Variants in AMACR observed in about 807,000 individuals in gnomAD.
The protein encoded by AMACR is 2-methylacyl-CoA racemase.
Under a neutral mutation model 22.2 loss-of-function variants are expected in AMACR, and 18 were observed. The ratio of observed to expected loss-of-function variants is 0.81; its 90% CI spans 0.56 to 1.20. AMACR has a LOEUF of 1.20. Among genes scored for constraint, AMACR ranks in the 50% most tolerant of loss-of-function variants. The probability of loss-of-function intolerance (pLI) is 0.00; values close to 1 mark genes in which losing one functional copy is unlikely to be tolerated. For missense variants in AMACR, 499 were observed against 490.6 expected, an observed-to-expected ratio of 1.02 and a Z score of -0.16; for synonymous variants, 213 against 191.3, an observed-to-expected ratio of 1.11 and a Z score of -0.94.
chr5:34,001,606 T>G (rs952447719), intron 3 of AMACR, among the ~76,000 whole-genome samples: 1 of 152,216 alleles, frequency 6.6e-6, no homozygotes, highest in African/African-American at 2.4e-5. Context: ...TACAGTTAAT[T>G]TAACAACGCT....
At position 33,988,876 on chromosome 5, in the gene AMACR, A is replaced by G. The variant is rs1753380716; in HGVS notation, c.*217T>C. The G allele has an allele frequency of 7.2e-7, 1 of 1,391,214 alleles. No individual in the cohort carries two copies. The highest frequency in any genetic ancestry group is 9.3e-7 in the Non-Finnish European group (1 of 1,077,120). The allele number at this position is 1,391,214 out of a possible 1,614,324, so 86.2% of individuals were successfully genotyped here. On this transcript the variant is annotated 3_prime_UTR_variant, in exon 5 of 5. Coordinates refer to ENST00000335606, the MANE Select transcript of AMACR (RefSeq NM_014324.6). ...GAAGGCAGAATAACTACCATAATTTAGTATAAGTACCCAAAGTTTTATAAA... is the reference window on the plus strand; with the variant it reads ...GAAGGCAGAATAACTACCATAATTTGGTATAAGTACCCAAAGTTTTATAAA...
At chr5:33,998,564 C>A in intron 4 of AMACR, 77 bp downstream of exon 4, 1 of 1,462,872 alleles carries the variant, frequency 6.8e-7, no homozygotes, top group Non-Finnish European at 9.2e-7. Flanking sequence ...ATCCTAGATG[C>A]CAAAAGTCTT....
In AMACR at chr5:33,989,122, C is replaced by G. The variant is rs779669491; in HGVS notation, c.1120G>C (p.Glu374Gln). ...IYQLNSDKII[E>Q]SNKVKASL ...AGACTAGCTTTTACCTTATTACTTT[C>G]AATGATTTTATCTGAGTTAAGCTGA... The change falls in exon 5 of 5, where the codon GAA becomes CAA. Residue 374 changes from glutamate (E) to glutamine (Q), a missense_variant. Glu to Gln is a conservative substitution (Grantham distance 29). Transcript: ENST00000335606. The G allele has an allele frequency of 6.2e-7, 1 of 1,614,180 alleles. No individual in the cohort carries two copies. The highest frequency in any genetic ancestry group is 8.5e-7 in the Non-Finnish European group (1 of 1,180,028).
chr5:33,992,125 C>T (rs552088852), intron 4 of AMACR, among the ~76,000 whole-genome samples: 13 of 152,052 alleles, frequency 8.5e-5, no homozygotes, highest in African/African-American at 2.4e-4. Context: ...GTGATCCGCC[C>T]GCCTCGGCCT....
rs749475971 is a variant in AMACR at position 33,998,704 on chromosome 5, C to T, written c.676G>A (p.Ala226Thr). ...GAPFYTTYRT[A>T]DGEFMAVGAI... is the part of the protein sequence containing the mutation. Reference sequence around the variant, plus strand: ...CCAACAGCCATGAATTCCCCATCTGCTGTCCTGTAAGTCGTATAGAAAGGT... The same window carrying T: ...CCAACAGCCATGAATTCCCCATCTGTTGTCCTGTAAGTCGTATAGAAAGGT... Residue 226 changes from alanine (A) to threonine (T), a missense_variant, in exon 4 of 5, where the codon GCA becomes ACA. Transcript: ENST00000335606. 1 of 1,613,996 alleles carries T rather than the reference C, an allele frequency of 6.2e-7. No individual in the cohort carries two copies. The highest frequency in any genetic ancestry group is 1.1e-5 in the South Asian group (1 of 91,054).
At chr5:33,998,559 A>C in intron 4 of AMACR, 82 bp downstream of exon 4, 1 of 1,426,770 alleles carries the variant, frequency 7.0e-7, no homozygotes, top group Non-Finnish European at 9.5e-7. Flanking sequence ...AAGACATCCT[A>C]GATGCCAAAA....
At position 34,000,956 on chromosome 5, in the gene AMACR, A is replaced by C. The variant is rs547492308; in HGVS notation, c.553-2129T>G. Reference sequence around the variant, plus strand: ...ACTGCTGAAAAATAGACGTGTTAACAGAGTTACAGATCCAGTTGGGTCCAC... The same window carrying C: ...ACTGCTGAAAAATAGACGTGTTAACCGAGTTACAGATCCAGTTGGGTCCAC... On this transcript the variant is annotated intron_variant, in intron 3 of 4. Coordinates refer to ENST00000335606, the MANE Select transcript of AMACR (RefSeq NM_014324.6). Among the ~76,000 whole-genome samples, 8 of 152,344 alleles carry C rather than the reference A, an allele frequency of 5.3e-5. No homozygotes were observed. The South Asian group carries it at 1.7e-3, about 32-fold the overall frequency.
chr5:33,996,007 C>T (rs951990638), intron 4 of AMACR, among the ~76,000 whole-genome samples: 19 of 152,178 alleles, frequency 1.2e-4, no homozygotes, highest in African/African-American at 3.9e-4. Context: ...AGAATAGCCC[C>T]GAGAGGAGGA....
At chr5:33,995,267 A>G (rs1052787372) in intron 4 of AMACR, among the ~76,000 whole-genome samples, 2 of 152,180 alleles carry the variant, frequency 1.3e-5, no homozygotes, top group African/African-American at 4.8e-5. Flanking sequence ...TTACTTCCTA[A>G]GGGCCCCAAA....
Position 34,007,871 on chromosome 5 carries a change from T to C in AMACR, c.149A>G (p.Lys50Arg), listed in dbSNP as rs1361002006. The C allele has an allele frequency of 1.9e-6, 3 of 1,592,586 alleles. No homozygotes were observed. Among genetic ancestry groups the C allele is most frequent in the East Asian group, 4.5e-5 (2 of 44,094 alleles). The part of the protein sequence containing the change: ...RYDVSRLGRG[K>R]RSLVLDLKQP... ...CTTCAGGTCCAGCACTAGCGAGCGC[T>C]TGCCCCGGCCCAAGCGGCTCACGTC... The change falls in exon 1 of 5, where the codon AAG becomes AGG. Residue 50 changes from lysine (K) to arginine (R), a missense_variant. Coordinates refer to ENST00000335606, the MANE Select transcript of AMACR (RefSeq NM_014324.6).
intron 4 of AMACR, chr5:33,994,215 TGTCACCCAG>T (rs1363031494): frequency 2.9e-6 from 1 of 348,310 alleles, no homozygotes; most frequent in Non-Finnish European, 5.9e-6. Flanking sequence ...AGTCTCGCTC[TGTCACCCAG>T]GCTGGAGGGC....
chr5:33,997,694 C>T (rs1160875794), intron 4 of AMACR: 2 of 638,814 alleles, frequency 3.1e-6, no homozygotes, highest in Admixed American at 2.8e-5. Context: ...CAGAGAGGTA[C>T]CCTTTATGAT....
In AMACR at chr5:33,989,205, A is replaced by C; in HGVS notation, c.1037T>G (p.Ile346Arg). The C allele has an allele frequency of 6.2e-7, 1 of 1,614,154 alleles. No individual in the cohort carries two copies. The highest frequency in any genetic ancestry group is 1.1e-5 in the South Asian group (1 of 91,084). Reference sequence around the variant, plus strand: ...AAGTATCTCCTCAGTGTGTTCTCCTATGAAAGGATCCCTTTTGAAAGAAGG... The same window carrying C: ...AAGTATCTCCTCAGTGTGTTCTCCTCTGAAAGGATCCCTTTTGAAAGAAGG... ...AIPSFKRDPFIGEHTEEILEE... is the reference protein window; with the variant it reads ...AIPSFKRDPFRGEHTEEILEE... The change falls in exon 5 of 5, where the codon ATA (isoleucine) becomes AGA (arginine). Residue 346 changes from isoleucine to arginine, a missense_variant. Physicochemically the swap from Ile to Arg is moderately conservative, Grantham distance 97. Coordinates refer to ENST00000335606, the MANE Select transcript of AMACR (RefSeq NM_014324.6).
Position 33,998,681 on chromosome 5 carries a change from A to C in AMACR, c.699T>G (p.Val233=), listed in dbSNP as rs1376898665. ...CGTAGAACTGGGGTTCTATTGCTCC[A>C]ACAGCCATGAATTCCCCATCTGCTG... The part of the protein sequence containing the change: ...YRTADGEFMA[V]GAIEPQFYEL... Residue 233 remains valine, a synonymous_variant, in exon 4 of 5, where the codon GTT becomes GTG. Coordinates refer to ENST00000335606, the MANE Select transcript of AMACR (RefSeq NM_014324.6). 6.2e-7 allele frequency: 1 copy of C among 1,613,488 alleles called. No homozygotes were observed. Among genetic ancestry groups the C allele is most frequent in the African/African-American group, 1.3e-5 (1 of 74,890 alleles).
At chr5:33,994,087 C>T (rs1444527763) in intron 4 of AMACR, 1 of 455,956 alleles carries the variant, frequency 2.2e-6, no homozygotes, top group Admixed American at 2.4e-5. Flanking sequence ...TGTTCAGAAA[C>T]TGAAGATACA....
Position 33,991,966 on chromosome 5 carries a change from C to T in AMACR, c.740-2464G>A, listed in dbSNP as rs540376351. ...CGATCTCGGCTCACTGCAACCTCCA[C>T]CTCCCAGGTTCAAGAGATTCTCCTG... On this transcript the variant is annotated intron_variant, in intron 4 of 4. Transcript: ENST00000335606. Among the ~76,000 whole-genome samples, 540 of 152,234 alleles carry T rather than the reference C, an allele frequency of 3.5e-3. 3 individuals are homozygous for T. The highest frequency in any genetic ancestry group is 0.012 in the African/African-American group (516 of 41,526).
intron 3 of AMACR, among the ~76,000 whole-genome samples, chr5:34,000,693 T>C (rs1031657100): frequency 1.3e-5 from 2 of 152,154 alleles, no homozygotes; most frequent in African/African-American, 4.8e-5. Flanking sequence ...ATTTTTAACT[T>C]ATCTCTGTAA....
intron 4 of AMACR, among the ~76,000 whole-genome samples, chr5:33,996,034 T>C (rs2112047191): frequency 6.6e-6 from 1 of 151,982 alleles, no homozygotes; most frequent in Non-Finnish European, 1.5e-5. Flanking sequence ...GTTTGCAGCT[T>C]CCCCCAAAAT....
chr5:34,004,261 GA>G (rs1240672919), intron 3 of AMACR, among the ~76,000 whole-genome samples: 1 of 152,154 alleles, frequency 6.6e-6, no homozygotes, highest in Non-Finnish European at 1.5e-5. Context: ...GAAAATTGTT[GA>G]AATATTTAGG....
Sources: gnomAD v4.1 joint callset for allele counts (sites outside exome capture counted in the v4.1 genomes callset) on GRCh38, gnomAD v4.1.1 for gene constraint, MANE v1.5 for transcripts, NCBI Gene and HGNC (gene_info 2026-07-23, HGNC 2026-07-21) for gene names.